The following ASPG variants were observed in gnomAD, a reference collection of about 807,000 sequenced individuals.
ASPG encodes asparaginase.
ASPG carries 53 observed loss-of-function variants against 63.2 expected under a neutral mutation model. That is an observed-to-expected ratio of 0.84 (90% confidence interval 0.67 to 1.05). ASPG has a LOEUF of 1.05. Among genes scored for constraint, ASPG ranks in the 50% least tolerant of loss-of-function variants. The pLI is 0.00. For synonymous variants in ASPG, 370 were observed against 355.0 expected (o/e 1.04, Z -0.48); for missense variants, 741 against 794.4 (o/e 0.93, Z 0.81).
In ASPG at chr14:104,104,367, G is replaced by A. The variant is rs534846509; in HGVS notation, c.817G>A (p.Gly273Arg). The change falls in exon 8 of 16, where the codon GGA (glycine) becomes AGA (arginine). Residue 273 changes from glycine to arginine, a missense_variant. Gly to Arg is a moderately radical substitution (Grantham distance 125). Transcript: ENST00000551177. Reference sequence around the variant, plus strand: ...CATGGAGACCTTCGGTTCAGGGAACGGACCCACCAAGCCCGACCTGCTGCA... The same window carrying A: ...CATGGAGACCTTCGGTTCAGGGAACAGACCCACCAAGCCCGACCTGCTGCA... ...VVMETFGSGN[G>R]PTKPDLLQEL... 4.3e-6 allele frequency: 7 copies of A among 1,612,580 alleles called. No individual in the cohort carries two copies. In the East Asian group the frequency reaches 6.7e-5, roughly 15 times the overall value.
At chr14:104,097,672 G>A (rs1399898626) in intron 5 of ASPG, 35 bp downstream of exon 5, 1 of 1,545,562 alleles carries the variant, frequency 6.5e-7, no homozygotes, top group African/African-American at 1.4e-5. Context: ...CGGGGCAGGT[G>A]GGGTGGGGGC....
At chr14:104,086,253 G>A (rs1437270772) in intron 1 of ASPG, among the ~76,000 whole-genome samples, 1 of 152,128 alleles carries the variant, frequency 6.6e-6, no homozygotes. Flanking sequence ...AGGAGGCTGC[G>A]AGGACCCCTC....
rs1488679673 is a variant in ASPG at position 104,110,492 on chromosome 14, A to G, written c.1521-1010A>G. ...GCTGGGACCAGAACCCTGGTCCAGG[A>G]CTCTGCTTGGAAGTGGCCTGGCCAG... On this transcript the variant is annotated intron_variant, in intron 13 of 15. Coordinates refer to ENST00000551177, the MANE Select transcript of ASPG (RefSeq NM_001080464.3). This position sits in a 1 kb window ranked among gnomAD's most constrained non-coding sequence, Gnocchi z 4.7. The G allele has an allele frequency of 1.0e-6, 1 of 984,840 alleles. No homozygotes were observed. The highest frequency in any genetic ancestry group is 1.2e-6 in the Non-Finnish European group (1 of 829,780). 61.0% of individuals were successfully genotyped at this position (984,840 alleles called of 1,614,324 possible).
At chr14:104,111,114 T>C in intron 13 of ASPG, 1 of 985,116 alleles carries the variant, frequency 1.0e-6, no homozygotes, top group Middle Eastern at 5.2e-4. Context: ...GCTCGGCAGG[T>C]GGGCGTGCAT....
chr14:104,108,801 T>A (rs2037260220), intron 12 of ASPG: 1 of 985,238 alleles, frequency 1.0e-6, no homozygotes, highest in Non-Finnish European at 1.2e-6. Flanking sequence ...CACCACGGGG[T>A]GTGATCAGCG....
chr14:104,095,749 C>A, intron 4 of ASPG, 93 bp downstream of exon 4: 1 of 1,524,552 alleles, frequency 6.6e-7, no homozygotes, highest in Non-Finnish European at 8.9e-7. Context: ...GGACCCCGGG[C>A]TTCCTGCTCA....
chr14:104,094,141 C>A (rs1468939901), intron 3 of ASPG, among the ~76,000 whole-genome samples: 1 of 151,980 alleles, frequency 6.6e-6, no homozygotes, highest in Non-Finnish European at 1.5e-5. Flanking sequence ...GTTCCTCTCC[C>A]CCATGCAAGC....
chr14:104,085,739 C>A lies in ASPG; in HGVS notation c.-32C>A. 2 of 1,549,800 alleles carry A rather than the reference C, an allele frequency of 1.3e-6. No homozygotes were observed. The highest frequency in any genetic ancestry group is 1.7e-6 in the Non-Finnish European group (2 of 1,157,076). On this transcript the variant is annotated 5_prime_UTR_variant, in exon 1 of 16. Coordinates refer to ENST00000551177, the MANE Select transcript of ASPG (RefSeq NM_001080464.3). ...GCAGGCCCTGCGTCCCCGCTGCACA[C>A]CCCCGTCCACTCCCGTGGTCCCCGG... is the stretch of plus-strand genomic sequence containing the variant.
rs1285348542 is a variant in ASPG, at chr14:104,097,708, C to CA, written c.513+74dup. 9 of 1,434,676 alleles carry CA rather than the reference C, an allele frequency of 6.3e-6. No homozygotes were observed. The East Asian group carries it at 2.2e-4, about 36-fold the overall frequency. 88.9% of individuals were successfully genotyped at this position (1,434,676 alleles called of 1,614,324 possible). ...AGGAGCCCAGACAGCAGCCAGGAAA[C>CA]AAAGTCCCCCCAGCCCCTCCCCAGA... On this transcript the variant is annotated intron_variant, in intron 5 of 15. Coordinates refer to ENST00000551177, the MANE Select transcript of ASPG (RefSeq NM_001080464.3).
chr14:104,089,526 C>CA (rs909596820), intron 1 of ASPG, among the ~76,000 whole-genome samples: 5 of 151,056 alleles, frequency 3.3e-5, no homozygotes, highest in Admixed American at 6.6e-5. Flanking sequence ...CTCAAACAAA[C>CA]AAAAAAAACT....
chr14:104,095,309 G>C lies in ASPG; in HGVS notation c.304-222G>C, dbSNP rs538093948. 8.5e-5 allele frequency among the ~76,000 whole-genome samples: 13 copies of C among 152,306 alleles called. No homozygotes were observed. In the South Asian group the frequency reaches 2.7e-3, roughly 32 times the overall value. On this transcript the variant is annotated intron_variant, in intron 3 of 15. Coordinates refer to ENST00000551177, the MANE Select transcript of ASPG (RefSeq NM_001080464.3). ...TCTGAGGGGAGCCTCAGCGTGGTGG[G>C]TGCACCCGAGTGGCATGGAAGCCTC...
chr14:104,108,019 G>A (rs1352892639), intron 12 of ASPG, among the ~76,000 whole-genome samples: 2 of 152,158 alleles, frequency 1.3e-5, no homozygotes, highest in Non-Finnish European at 2.9e-5. Context: ...TTCTTTTCGG[G>A]GAGGGAGTGC....
intron 13 of ASPG, chr14:104,111,140 C>T (rs566951312): frequency 8.1e-5 from 80 of 985,402 alleles, no homozygotes; most frequent in African/African-American, 5.8e-4. Flanking sequence ...TGTGCAAAGG[C>T]GCATGTGCTC....
At chr14:104,108,483 T>C in intron 12 of ASPG, 4 of 985,426 alleles carry the variant, frequency 4.1e-6, no homozygotes, top group Non-Finnish European at 4.8e-6. Flanking sequence ...GGCCCTGCTG[T>C]GCCTGAGTGG....
chr14:104,110,566 G>T lies in ASPG; in HGVS notation c.1521-936G>T, dbSNP rs1055476446. The T allele has an allele frequency of 1.3e-5, 13 of 985,176 alleles. No individual in the cohort carries two copies. Among genetic ancestry groups the T allele is most frequent in the African/African-American group, 1.0e-4 (6 of 57,202 alleles). 61.0% of individuals were successfully genotyped at this position (985,176 alleles called of 1,614,324 possible). On this transcript the variant is annotated intron_variant, in intron 13 of 15. Transcript: ENST00000551177. This position sits in a 1 kb window ranked among gnomAD's most constrained non-coding sequence, Gnocchi z 4.7. Reference sequence around the variant, plus strand: ...GCCCCTCGGCTAGGCCTTCCTAGGGGCCGGTGTGTGTGTGGGGCTTGGCCT... The same window carrying T: ...GCCCCTCGGCTAGGCCTTCCTAGGGTCCGGTGTGTGTGTGGGGCTTGGCCT...
rs1232187125 is a variant in ASPG at position 104,112,444 on chromosome 14, A to G, written c.1702-80A>G. ...CAGGCTCTTGGGCTGTGCCGTACAG[A>G]CGGGGTGCCTGGGCTTGTCTCTCTG... On this transcript the variant is annotated intron_variant, in intron 15 of 15. Transcript: ENST00000551177. 9 of 847,852 alleles carry G rather than the reference A, an allele frequency of 1.1e-5. No individual in the cohort carries two copies. In the African/African-American group the frequency reaches 1.5e-4, roughly 14 times the overall value. 52.5% of individuals were successfully genotyped at this position (847,852 alleles called of 1,614,324 possible).
At chr14:104,095,210 G>A (rs989087781) in intron 3 of ASPG, among the ~76,000 whole-genome samples, 1 of 152,194 alleles carries the variant, frequency 6.6e-6, no homozygotes, top group Non-Finnish European at 1.5e-5. Context: ...ACAGCCCCCT[G>A]CTGCCATGGA....
At chr14:104,088,026 AC>A (rs1449273928) in intron 1 of ASPG, among the ~76,000 whole-genome samples, 2 of 151,910 alleles carry the variant, frequency 1.3e-5, no homozygotes, top group East Asian at 3.9e-4. Context: ...CTGCGAGGTC[AC>A]CCCCAGCTGT....
intron 9 of ASPG, chr14:104,105,041 G>A (rs748426532): frequency 8.6e-6 from 5 of 581,190 alleles, no homozygotes; most frequent in Non-Finnish European, 1.5e-5. Flanking sequence ...ACTCTTCCTC[G>A]AGGGTGGGGT....
Sources: gnomAD v4.1 joint callset for allele counts (sites outside exome capture counted in the v4.1 genomes callset) on GRCh38, gnomAD v4.1.1 for gene constraint, Gnocchi (gnomAD v3.1) non-coding constraint, MANE v1.5 for transcripts, NCBI Gene and HGNC (gene_info 2026-07-23, HGNC 2026-07-21) for gene names.